TLN2: variants seen among roughly 807,000 people sequenced by gnomAD.
The protein encoded by TLN2 is talin 2, also known as talin-2.
A neutral mutation model predicts 294.7 loss-of-function variants in TLN2; 118 were observed. The ratio of observed to expected loss-of-function variants is 0.40; its 90% confidence interval spans 0.34 to 0.47. The LOEUF is 0.47. TLN2 is among the 20% of genes least tolerant of loss of function. The probability of loss-of-function intolerance (pLI) is 0.84; values close to 1 mark genes in which losing one functional copy is unlikely to be tolerated. For synonymous variants in TLN2, 1,431 were observed against 1,304.5 expected, an observed-to-expected ratio of 1.10 and a Z score of -2.09; for missense variants, 3,083 against 3,282.2, an observed-to-expected ratio of 0.94 and a Z score of 1.48.
At chr15:62,761,946 C>G in intron 38 of TLN2, 125 bp downstream of exon 38, 1 of 1,280,230 alleles carries the variant, frequency 7.8e-7, no homozygotes, top group Non-Finnish European at 1.1e-6. Context: ...TTACTCTTGT[C>G]AATGATGGCA....
intron 1 of TLN2, among the ~76,000 whole-genome samples, chr15:62,507,407 C>T (rs1004105732): frequency 6.6e-6 from 1 of 152,206 alleles, no homozygotes; most frequent in Non-Finnish European, 1.5e-5. Flanking sequence ...GAGTCCCCAT[C>T]AAGTAGGGAT....
intron 3 of TLN2, chr15:62,637,174 C>CA (rs2050462132): frequency 6.6e-6 from 1 of 152,316 alleles, no homozygotes; most frequent in African/African-American, 2.4e-5. Flanking sequence ...ATTCATAGTT[C>CA]ACCTGGTCTT....
intron 20 of TLN2, 31 bp from the exon 21 acceptor site, chr15:62,708,471 G>C (rs1005241991): frequency 6.2e-7 from 1 of 1,601,650 alleles, no homozygotes; most frequent in Admixed American, 1.7e-5. Context: ...TTCAACCACA[G>C]TGCCCAAAAC....
intron 1 of TLN2, among the ~76,000 whole-genome samples, chr15:62,464,388 A>G (rs2036990418): frequency 6.6e-6 from 1 of 152,132 alleles, no homozygotes; most frequent in South Asian, 2.1e-4. Context: ...ACACTTGGAC[A>G]CAGGAAGGGG....
chr15:62,734,947 TGCC>T (rs1233234664), intron 28 of TLN2, among the ~76,000 whole-genome samples: 6 of 152,184 alleles, frequency 3.9e-5, no homozygotes, highest in African/African-American at 1.4e-4. Flanking sequence ...CACTCACTGG[TGCC>T]GAGAGACCTT....
At chr15:62,551,045 C>G (rs2042268139) in intron 1 of TLN2, among the ~76,000 whole-genome samples, 1 of 152,144 alleles carries the variant, frequency 6.6e-6, no homozygotes, top group Admixed American at 6.5e-5. Flanking sequence ...GAGACAGTGA[C>G]AGATCATCAG....
At chr15:62,587,451 A>G (rs2045700235) in intron 1 of TLN2, among the ~76,000 whole-genome samples, 1 of 152,252 alleles carries the variant, frequency 6.6e-6, no homozygotes, top group Non-Finnish European at 1.5e-5. Context: ...ATACACACAC[A>G]CAAATGAATC....
intron 1 of TLN2, among the ~76,000 whole-genome samples, chr15:62,445,960 A>T (rs2035800211): frequency 6.6e-6 from 1 of 150,836 alleles, no homozygotes; most frequent in South Asian, 2.1e-4. Flanking sequence ...CCCTTTCTTG[A>T]TATTCTTGAT....
At chr15:62,798,208 A>G (rs2065659910) in intron 48 of TLN2, among the ~76,000 whole-genome samples, 1 of 152,192 alleles carries the variant, frequency 6.6e-6, no homozygotes, top group East Asian at 1.9e-4. Flanking sequence ...CAGCACCTGT[A>G]GATGGCCCAG....
At chr15:62,436,336 G>T (rs2035285873) in intron 1 of TLN2, among the ~76,000 whole-genome samples, 1 of 152,210 alleles carries the variant, frequency 6.6e-6, no homozygotes, top group Admixed American at 6.5e-5. Context: ...CAAACTAACA[G>T]TCCTTGGCAA....
intron 8 of TLN2, 123 bp downstream of exon 8, chr15:62,656,209 G>A: frequency 7.8e-7 from 1 of 1,275,902 alleles, no homozygotes; most frequent in Non-Finnish European, 1.1e-6. Flanking sequence ...TTTCCAGCAG[G>A]CGCTGCTCGT....
rs537250584 is a variant in TLN2, at chr15:62,746,696, A to G, written c.4026-1655A>G. ...TATATTAGTGTTGGTGATTAACAGC[A>G]ATATGTGCCTATTTTATTTTTGTTT... On this transcript the variant is annotated intron_variant, in intron 32 of 58. Coordinates refer to ENST00000636159, the MANE Select transcript of TLN2 (RefSeq NM_015059.3). Among the ~76,000 whole-genome samples, 31 of 152,334 alleles carry G rather than the reference A, an allele frequency of 2.0e-4. No homozygotes were observed. The South Asian group carries it at 6.4e-3, about 32-fold the overall frequency.
chr15:62,740,262 C>T (rs1158020998), intron 31 of TLN2, among the ~76,000 whole-genome samples: 1 of 152,184 alleles, frequency 6.6e-6, no homozygotes, highest in East Asian at 1.9e-4. Flanking sequence ...TCCTTGACAA[C>T]TCCAGCATTG....
chr15:62,827,980 C>G (rs1186976172), intron 54 of TLN2: 1 of 152,246 alleles, frequency 6.6e-6, no homozygotes, highest in Admixed American at 6.5e-5. Context: ...TCCCTTTTAC[C>G]TTCTCCACTT....
chr15:62,791,162 C>G (rs1308645692), intron 45 of TLN2, among the ~76,000 whole-genome samples: 3 of 149,426 alleles, frequency 2.0e-5, no homozygotes, highest in African/African-American at 7.4e-5. Context: ...GCCTGGCCAA[C>G]ATGGTGAAAC....
intron 56 of TLN2, 30 bp from the exon 57 acceptor site, chr15:62,835,860 CT>C: frequency 6.2e-7 from 1 of 1,614,192 alleles, no homozygotes; most frequent in Non-Finnish European, 8.5e-7. Context: ...AGGTTTGGGC[CT>C]TGGGTCACTT....
intron 32 of TLN2, among the ~76,000 whole-genome samples, chr15:62,742,255 G>T: frequency 6.6e-6 from 1 of 152,142 alleles, no homozygotes; most frequent in Middle Eastern, 3.2e-3. Flanking sequence ...CCTTGATGGT[G>T]GGAGAGATGG....
intron 1 of TLN2, among the ~76,000 whole-genome samples, chr15:62,582,246 A>ACACACACACACACCCCCCC (rs764248336): frequency 1.5e-5 from 2 of 137,240 alleles, no homozygotes; most frequent in East Asian, 2.3e-4. Flanking sequence ...ACACACACAC[A>ACACACACACACACCCCCCC]CATTCATGCC....
chr15:62,695,628 A>G (rs1306271528), intron 14 of TLN2, among the ~76,000 whole-genome samples: 1 of 152,056 alleles, frequency 6.6e-6, no homozygotes, highest in Non-Finnish European at 1.5e-5. Flanking sequence ...TAATATTTTC[A>G]CCCTTGCTGC....
Sources: gnomAD v4.1 joint callset for allele counts (sites outside exome capture counted in the v4.1 genomes callset) on GRCh38, gnomAD v4.1.1 for gene constraint, MANE v1.5 for transcripts, NCBI Gene and HGNC (gene_info 2026-07-23, HGNC 2026-07-21) for gene names.